Variants in TENM1 observed in about 807,000 individuals in gnomAD.
TENM1 encodes teneurin transmembrane protein 1, also known as teneurin-1.
A neutral mutation model predicts 174.8 loss-of-function variants in TENM1; 35 were observed. The observed-to-expected ratio is 0.20, with a 90% CI of 0.15 to 0.27. TENM1 has a LOEUF of 0.27. Among genes scored for constraint, TENM1 ranks in the 10% least tolerant of loss-of-function variants. The pLI is 1.00. For synonymous variants in TENM1, 781 were observed against 798.7 expected, an observed-to-expected ratio of 0.98 and a Z score of 0.37; for missense variants, 1,633 against 2,130.1, an observed-to-expected ratio of 0.77 and a Z score of 4.59.
At chrX:124,499,467 A>G (rs16999222) in intron 19 of TENM1, among the ~76,000 whole-genome samples, 34,300 of 110,878 alleles carry the variant, frequency 0.31, 4,969 homozygotes, top group African/African-American at 0.56. Context: ...TTTGCAACAC[A>G]TGATTTGCAG....
chrX:124,950,304 C>A (rs748670930), intron 1 of TENM1, among the ~76,000 whole-genome samples: 1 of 111,886 alleles, frequency 8.9e-6, no homozygotes, highest in South Asian at 3.7e-4. Flanking sequence ...CTTTTTAATT[C>A]AATTTACTAA....
intron 11 of TENM1, among the ~76,000 whole-genome samples, chrX:124,568,313 C>T (rs2048984442): frequency 9.0e-6 from 1 of 111,126 alleles, no homozygotes; most frequent in Non-Finnish European, 1.9e-5. Flanking sequence ...TGGACTAAAT[C>T]TCCAGCATAA....
At chrX:124,838,867 G>A (rs1033848268) in intron 3 of TENM1, among the ~76,000 whole-genome samples, 8 of 110,040 alleles carry the variant, frequency 7.3e-5, no homozygotes, top group South Asian at 3.9e-4. Context: ...ATGGATATAC[G>A]GAAATGAATA....
At chrX:124,652,236 T>C in intron 7 of TENM1, 112 bp from the exon 11 acceptor site, 3 of 942,667 alleles carry the variant, frequency 3.2e-6, no homozygotes, top group Non-Finnish European at 4.3e-6. Flanking sequence ...GTTGAGCAAA[T>C]TGGAAGAGGA....
Position 124,384,528 on chromosome X carries a change from C to T in TENM1, c.6403G>A (p.Asp2135Asn), listed in dbSNP as rs371201972. ...CATATTACCATGCGGCCCACATTAT[C>T]ATATTGAATGGTCATCCAGTAGGCA... Residue 2135 changes from aspartate (D) to asparagine (N), a missense_variant, in exon 30 of 32, where the codon GAT becomes AAT. By Grantham distance (23) the Asp-to-Asn change is conservative. Around this residue, in one of 4 missense-constraint regions of TENM1, gnomAD observed 807 missense variants for 1,125.3 expected, o/e 0.72. Coordinates refer to ENST00000422452, the Ensembl canonical transcript of TENM1. 1.2e-5 allele frequency: 15 copies of T among 1,209,285 alleles called. No homozygotes were observed. Among genetic ancestry groups the T allele is most frequent in the Non-Finnish European group, 1.6e-5 (14 of 894,791 alleles).
the TENM1 span, among the ~76,000 whole-genome samples, chrX:124,999,616 A>G: frequency 9.0e-6 from 1 of 111,154 alleles, no homozygotes; most frequent in Non-Finnish European, 1.9e-5. Context: ...TGATGGACTC[A>G]GATTACATGG....
Position 124,520,792 on chromosome X carries a change from A to T in TENM1, c.3034-8T>A, listed in dbSNP as rs774494511. 44 of 73,062 alleles carry T rather than the reference A, an allele frequency of 6.0e-4. No homozygotes were observed. Among genetic ancestry groups the T allele is most frequent in the African/African-American group, 3.3e-3 (22 of 6,569 alleles). The allele number at this position is 73,062 out of a possible 1,213,427, so 6.0% of individuals were successfully genotyped here. On this transcript the variant is annotated splice_polypyrimidine_tract_variant and splice_region_variant and intron_variant, in intron 17 of 31. Transcript: ENST00000422452. ...AATTTCCTCCTGTACAACCTGAAAT[A>T]AAAAAAAAAAAAAAAAGCCAAATAG...
intron 1 of TENM1, among the ~76,000 whole-genome samples, chrX:124,944,803 T>C (rs1424730800): frequency 2.7e-5 from 3 of 109,764 alleles, no homozygotes; most frequent in Non-Finnish European, 5.7e-5. Context: ...TTTGAACGTA[T>C]AGTACAGTAA....
chrX:124,920,878 C>T (rs187078096), intron 1 of TENM1, among the ~76,000 whole-genome samples: 21 of 110,093 alleles, frequency 1.9e-4, no homozygotes, highest in African/African-American at 6.6e-4. Context: ...TCCCATCCCC[C>T]CTTACTGTTG....
At chrX:124,781,313 T>C (rs1410833408) in intron 3 of TENM1, among the ~76,000 whole-genome samples, 3 of 111,638 alleles carry the variant, frequency 2.7e-5, no homozygotes, top group Non-Finnish European at 5.7e-5. Flanking sequence ...CCATGCATTC[T>C]TAAACACAAC....
chrX:125,176,206 CTT>C, the TENM1 span, among the ~76,000 whole-genome samples: 1 of 81,994 alleles, frequency 1.2e-5, no homozygotes, highest in African/African-American at 4.2e-5. Context: ...ACTTGGTAGA[CTT>C]TTTAGAATTT....
chrX:124,637,730 ATCTC>A (rs930860248), intron 11 of TENM1, among the ~76,000 whole-genome samples: 32 of 111,790 alleles, frequency 2.9e-4, no homozygotes, highest in African/African-American at 8.1e-4. Context: ...TGCACATTGT[ATCTC>A]TCTCTCTATC....
chrX:124,525,316 C>T (rs1004994156), intron 16 of TENM1, among the ~76,000 whole-genome samples: 1 of 112,155 alleles, frequency 8.9e-6, no homozygotes, highest in African/African-American at 3.2e-5. Context: ...AAAACACAAA[C>T]GGTTTATGGT....
chrX:125,128,104 CTCCT>C, the TENM1 span, among the ~76,000 whole-genome samples: 2 of 111,591 alleles, frequency 1.8e-5, no homozygotes, highest in Non-Finnish European at 1.9e-5. Context: ...CTTATTTGTT[CTCCT>C]TCCTTCCTTT....
chrX:124,534,197 A>T (rs192120768), intron 15 of TENM1, among the ~76,000 whole-genome samples: 28 of 112,206 alleles, frequency 2.5e-4, no homozygotes, highest in African/African-American at 8.1e-4. Flanking sequence ...TGGTCTGAAG[A>T]ACAGAGCATC....
At chrX:124,806,787 A>G (rs973139987) in intron 3 of TENM1, among the ~76,000 whole-genome samples, 3 of 111,815 alleles carry the variant, frequency 2.7e-5, no homozygotes, top group Admixed American at 1.9e-4. Flanking sequence ...CAGAAAGTTT[A>G]CAATCATGGT....
chrX:124,449,989 T>C (rs984491802), intron 23 of TENM1, among the ~76,000 whole-genome samples: 11 of 110,187 alleles, frequency 1.0e-4, no homozygotes, highest in Non-Finnish European at 2.1e-4. Context: ...CTAATATGGT[T>C]TTGCTGTGTC....
chrX:125,068,643 G>A, the TENM1 span, among the ~76,000 whole-genome samples: 13 of 111,373 alleles, frequency 1.2e-4, no homozygotes, highest in African/African-American at 3.9e-4. Flanking sequence ...ACAGGGGCAC[G>A]GGCTATAATT....
At chrX:124,957,234 G>A (rs1291007212) in intron 1 of TENM1, among the ~76,000 whole-genome samples, 15 of 109,274 alleles carry the variant, frequency 1.4e-4, no homozygotes, top group African/African-American at 5.0e-4. Flanking sequence ...TGGATGGATG[G>A]ATGAATGGAT....
Sources: allele counts gnomAD v4.1 joint callset (sites outside exome capture counted in the v4.1 genomes callset), GRCh38; gene constraint gnomAD v4.1.1; regional missense constraint gnomAD v4.1.1; transcripts MANE v1.5; gene names NCBI Gene and HGNC (gene_info 2026-07-23, HGNC 2026-07-21).